UBE2C: variants seen among roughly 807,000 people sequenced by gnomAD.
The protein encoded by UBE2C is ubiquitin conjugating enzyme E2 C.
A neutral mutation model predicts 23.5 loss-of-function variants in UBE2C; 16 were observed. The ratio of observed to expected loss-of-function variants is 0.68; its 90% CI spans 0.46 to 1.03. UBE2C has a LOEUF of 1.03. UBE2C is among the 50% of genes least tolerant of loss of function. The pLI is 0.00. For synonymous variants in UBE2C, 76 were observed against 91.6 expected (o/e 0.83, Z 0.97); for missense variants, 192 against 227.6 (o/e 0.84, Z 1.01).
intron 5 of UBE2C, among the ~76,000 whole-genome samples, chr20:45,816,163 C>T (rs1282345278): frequency 6.6e-6 from 1 of 152,228 alleles, no homozygotes; most frequent in East Asian, 1.9e-4. Flanking sequence ...AGGAGGATAG[C>T]TTGAGGCCAG....
Position 45,812,753 on chromosome 20 carries a change from G to T in UBE2C, c.58G>T (p.Ala20Ser). ...TAGCGTCGCCGCCGCCCGTAAAGGA[G>T]CTGAGCCGAGCGGGGGCGCCGCCCG... ...ATSVAAARKG[A>S]EPSGGAARGP... Residue 20 changes from alanine (A) to serine (S), a missense_variant, in exon 1 of 6, where the codon GCT (alanine) becomes TCT (serine). Physicochemically the swap from Ala to Ser is moderately conservative, Grantham distance 99 (BLOSUM62 1). Transcript: ENST00000356455. 6.4e-7 allele frequency: 1 copy of T among 1,558,076 alleles called. No homozygotes were observed. Among genetic ancestry groups the T allele is most frequent in the Non-Finnish European group, 8.7e-7 (1 of 1,151,020 alleles).
rs964427395 is a variant in UBE2C, at chr20:45,812,655, C to A, written c.-41C>A. The A allele has an allele frequency of 1.3e-6, 2 of 1,547,698 alleles. No homozygotes were observed. Among genetic ancestry groups the A allele is most frequent in the East Asian group, 2.4e-5 (1 of 40,890 alleles). Reference sequence around the variant, plus strand: ...GGGCCCGCAGTCCTGCAGTTGCAGTCGTGTTCTCCGAGTTCCTGTCTCTCT... The same window carrying A: ...GGGCCCGCAGTCCTGCAGTTGCAGTAGTGTTCTCCGAGTTCCTGTCTCTCT... On this transcript the variant is annotated 5_prime_UTR_variant, in exon 1 of 6. Coordinates refer to ENST00000356455, the MANE Select transcript of UBE2C (RefSeq NM_007019.4).
intron 2 of UBE2C, among the ~76,000 whole-genome samples, chr20:45,814,087 A>AGT (rs370170183): frequency 1.9e-4 from 28 of 149,220 alleles, no homozygotes; most frequent in South Asian, 2.1e-4. Context: ...TGGGCGACAG[A>AGT]GTGTGTGTGT....
intron 2 of UBE2C, 113 bp from the exon 3 acceptor site, chr20:45,814,271 C>CGCATAT (rs1373426548): frequency 2.9e-6 from 1 of 339,610 alleles, no homozygotes. Context: ...TGTATGTGAG[C>CGCATAT]ATATATATAT....
intron 1 of UBE2C, 101 bp downstream of exon 1, chr20:45,812,897 G>A: frequency 6.9e-7 from 1 of 1,453,222 alleles, no homozygotes; most frequent in Non-Finnish European, 9.1e-7. Flanking sequence ...ACCTCCTGGA[G>A]CGGGAGATCT....
chr20:45,816,466 T>C (rs112948151), intron 5 of UBE2C, among the ~76,000 whole-genome samples: 2,574 of 152,148 alleles, frequency 0.017, 71 homozygotes, highest in African/African-American at 0.059. Flanking sequence ...TGAAACCCCG[T>C]CTCTACTAAA....
Position 45,812,717 on chromosome 20 carries a change from C to T in UBE2C, c.22C>T (p.Pro8Ser), listed in dbSNP as rs1982021122. 2 of 1,552,192 alleles carry T rather than the reference C, an allele frequency of 1.3e-6. No homozygotes were observed. The highest frequency in any genetic ancestry group is 1.2e-5 in the South Asian group (1 of 84,190). The change falls in exon 1 of 6, where the codon CCA becomes TCA. Residue 8 changes from proline to serine, a missense_variant. Coordinates refer to ENST00000356455, the MANE Select transcript of UBE2C (RefSeq NM_007019.4). MASQNRD[P>S]AATSVAAARK... ...CCGGATGGCTTCCCAAAACCGCGAC[C>T]CAGCCGCCACTAGCGTCGCCGCCGC...
At chr20:45,813,871 A>G (rs573697251) in intron 2 of UBE2C, among the ~76,000 whole-genome samples, 1 of 152,202 alleles carries the variant, frequency 6.6e-6, no homozygotes, top group East Asian at 1.9e-4. Flanking sequence ...TTGGGGGGCT[A>G]AGGTGGGCGG....
At chr20:45,813,101 C>A (rs2145713117) in intron 1 of UBE2C, 1 of 1,398,928 alleles carries the variant, frequency 7.1e-7, no homozygotes, top group East Asian at 2.7e-5. Context: ...CTGCCAGACT[C>A]CTTCCCTGGT....
Position 45,815,664 on chromosome 20 carries a change from T to C in UBE2C, c.340T>C (p.Cys114Arg), listed in dbSNP as rs1982459823. ...CAACGTGGACACCCAGGGTAACATA[T>C]GCCTGGACATCCTGAAGGAAAAGTG... ...HPNVDTQGNI[C>R]LDILKEKWSA... Residue 114 changes from cysteine to arginine, a missense_variant, in exon 4 of 6, where the codon TGC becomes CGC. Physicochemically the swap from Cys to Arg is radical, Grantham distance 180. Transcript: ENST00000356455. 6.2e-7 allele frequency: 1 copy of C among 1,614,164 alleles called. No individual in the cohort carries two copies. Among genetic ancestry groups the C allele is most frequent in the Non-Finnish European group, 8.5e-7 (1 of 1,180,024 alleles).
chr20:45,814,928 T>A (rs1282223192), intron 3 of UBE2C, among the ~76,000 whole-genome samples: 1 of 120,944 alleles, frequency 8.3e-6, no homozygotes, highest in Admixed American at 8.1e-5. Flanking sequence ...AAGCTCCGCT[T>A]CCCGGGTTCA....
At chr20:45,813,843 C>T (rs1180617650) in intron 2 of UBE2C, among the ~76,000 whole-genome samples, 2 of 152,114 alleles carry the variant, frequency 1.3e-5, no homozygotes, top group East Asian at 1.9e-4. Context: ...GTAGCTCACA[C>T]CTTATAATCC....
In UBE2C at chr20:45,816,848, G is replaced by A; in HGVS notation, c.*81G>A. ...TGTCCTTTTTGTGATTTCTGTATAG[G>A]ACTCTTTATCTTGAGCTGTGGTATT... On this transcript the variant is annotated 3_prime_UTR_variant, in exon 6 of 6. Transcript: ENST00000356455. 2.4e-6 allele frequency: 3 copies of A among 1,242,416 alleles called. No homozygotes were observed. Among genetic ancestry groups the A allele is most frequent in the African/African-American group, 1.5e-5 (1 of 65,772 alleles). 77.0% of individuals were successfully genotyped at this position (1,242,416 alleles called of 1,614,324 possible). A position where few individuals can be genotyped will look rare whatever the true frequency, so the allele number is the denominator to read the frequency against.
intron 1 of UBE2C, chr20:45,813,006 G>A: frequency 1.4e-6 from 2 of 1,429,074 alleles, no homozygotes; most frequent in Middle Eastern, 2.6e-4. Context: ...TCCTTGCGCG[G>A]GTGAGATTCG....
intron 3 of UBE2C, 157 bp from the exon 4 acceptor site, chr20:45,815,384 A>T (rs753552447): frequency 2.5e-6 from 4 of 1,577,574 alleles, no homozygotes; most frequent in Admixed American, 4.0e-5. Flanking sequence ...AAAACTTTTT[A>T]AAAAGGCAGT....
chr20:45,814,549 C>G, intron 3 of UBE2C, 79 bp downstream of exon 3: 2 of 1,186,588 alleles, frequency 1.7e-6, no homozygotes, highest in South Asian at 1.3e-5. Flanking sequence ...CTGCTTCAAG[C>G]CTTTGGCGGA....
In UBE2C at chr20:45,816,022, G is replaced by C. The variant is rs1601047275; in HGVS notation, c.481+109G>C. The C allele has an allele frequency of 2.5e-6, 3 of 1,202,418 alleles. No homozygotes were observed. The East Asian group carries it at 7.2e-5, about 29-fold the overall frequency. 74.5% of individuals were successfully genotyped at this position (1,202,418 alleles called of 1,614,324 possible). A position where few individuals can be genotyped will look rare whatever the true frequency, so the allele number is the denominator to read the frequency against. On this transcript the variant is annotated intron_variant, in intron 5 of 5. Transcript: ENST00000356455. ...GGACCGGGTTGGTTGGGGCAGGGTG[G>C]AGTGTCGGCAGCAACCCACTTCTGT... is the stretch of plus-strand genomic sequence containing the variant.
chr20:45,814,987 G>A (rs1222680349), intron 3 of UBE2C, among the ~76,000 whole-genome samples: 1 of 151,230 alleles, frequency 6.6e-6, no homozygotes, highest in African/African-American at 2.4e-5. Context: ...ACAGGCGCCC[G>A]CCACCACGCC....
chr20:45,814,039 A>G (rs1982196197), intron 2 of UBE2C, among the ~76,000 whole-genome samples: 1 of 151,564 alleles, frequency 6.6e-6, no homozygotes, highest in Non-Finnish European at 1.5e-5. Flanking sequence ...GTGGAGACAG[A>G]GGTTGCGGTG....
Sources: gnomAD v4.1 joint callset for allele counts (sites outside exome capture counted in the v4.1 genomes callset) on GRCh38, gnomAD v4.1.1 for gene constraint, MANE v1.5 for transcripts, NCBI Gene and HGNC (gene_info 2026-07-23, HGNC 2026-07-21) for gene names.